The following TMPRSS2 variants were observed in gnomAD, a reference collection of about 807,000 sequenced individuals.
TMPRSS2 encodes transmembrane protease serine 2.
Under a neutral mutation model 67.4 loss-of-function variants are expected in TMPRSS2, and 59 were observed. The ratio of observed to expected loss-of-function variants is 0.88; its 90% CI spans 0.71 to 1.09. The LOEUF (loss-of-function observed/expected upper bound fraction) is 1.09, where lower values mean the gene tolerates loss of function less well. Ranked by LOEUF, TMPRSS2 falls within the 50% of genes least tolerant of loss-of-function variation. TMPRSS2 has a pLI of 0.00. For missense variants in TMPRSS2, 668 were observed against 642.7 expected, an observed-to-expected ratio of 1.04 and a Z score of -0.43; for synonymous variants, 257 against 257.0, an observed-to-expected ratio of 1.00 and a Z score of 0.00.
intron 1 of TMPRSS2, 87 bp from the exon 2 acceptor site, chr21:41,498,276 G>C (rs901237996): frequency 3.8e-5 from 34 of 893,528 alleles, no homozygotes; most frequent in Non-Finnish European, 5.9e-5. Flanking sequence ...AGAATCTCTA[G>C]ATGAAGGTTA....
At position 41,478,843 on chromosome 21, in the gene TMPRSS2, T is replaced by C. The variant is rs761811344; in HGVS notation, c.683+329A>G. ...ATCTTGGATTCCTAGAACCACGCCC[T>C]GACAAAATAGGTACACCTCTAAATG... On this transcript the variant is annotated intron_variant, in intron 7 of 13. Transcript: ENST00000332149. This position sits in a 1 kb window ranked among gnomAD's most constrained non-coding sequence, Gnocchi z 4.0. Among the ~76,000 whole-genome samples, 8 of 152,188 alleles carry C rather than the reference T, an allele frequency of 5.3e-5. No individual in the cohort carries two copies. The highest frequency in any genetic ancestry group is 1.0e-4 in the Non-Finnish European group (7 of 68,022).
rs1172280060 is a variant in TMPRSS2 at position 41,494,393 on chromosome 21, C to T, written c.201G>A (p.Thr67=). The T allele has an allele frequency of 3.7e-6, 6 of 1,610,090 alleles. No homozygotes were observed. The highest frequency in any genetic ancestry group is 2.2e-5 in the South Asian group (2 of 90,396). The change falls in exon 3 of 14, where the codon ACG becomes ACA. Residue 67 remains threonine, a synonymous_variant. Transcript: ENST00000332149. ...CTGTCCCGGATGGGGATTTGGGCTG[C>T]GTGCAGACGACGGGGTTGGAAGCCT... is the stretch of plus-strand genomic sequence containing the variant. ...LTQASNPVVC[T]QPKSPSGTVC...
chr21:41,467,737 C>T lies in TMPRSS2; in HGVS notation c.1464G>A (p.Met488Ile), dbSNP rs1435489845. The T allele has an allele frequency of 2.5e-6, 4 of 1,614,092 alleles. No individual in the cohort carries two copies. The East Asian group carries it at 8.9e-5, about 36-fold the overall frequency. ...AGAAGGAGGACAGGATAGTTACCCT[C>T]ATTTGTCGATAAATCCAGTCCGTGA... ...MVFTDWIYRQ[M>I]RADG The change falls in exon 13 of 14, where the codon ATG (methionine) becomes ATA (isoleucine). Residue 488 changes from methionine (M) to isoleucine (I), a missense_variant. By Grantham distance (10) the Met-to-Ile change is conservative. Transcript: ENST00000332149.
At chr21:41,477,832 G>A (rs534317621) in intron 7 of TMPRSS2, among the ~76,000 whole-genome samples, 1 of 152,122 alleles carries the variant, frequency 6.6e-6, no homozygotes, top group South Asian at 2.1e-4. Flanking sequence ...AAGAACTCAG[G>A]CATCAAAGGG....
chr21:41,488,434 G>T lies in TMPRSS2; in HGVS notation c.405C>A (p.Gly135=). ...TCINPSNWCD[G]VSHCPGGEDE... is the part of the protein sequence containing the mutation. ...CCTCCCCGCCGGGGCAGTGTGACAC[G>T]CCATCACACCAGTTAGAGGGGTTGA... The change falls in exon 5 of 14, where the codon GGC becomes GGA. Residue 135 remains glycine (G), a synonymous_variant. Transcript: ENST00000332149. 6.2e-7 allele frequency: 1 copy of T among 1,613,626 alleles called. No individual in the cohort carries two copies. Among genetic ancestry groups the T allele is most frequent in the African/African-American group, 1.3e-5 (1 of 75,038 alleles).
rs2091319628 is a variant in TMPRSS2, at chr21:41,489,368, AAG to A, written c.325+137_325+138del. 4 of 625,714 alleles carry A rather than the reference AAG, an allele frequency of 6.4e-6. No individual in the cohort carries two copies. In the East Asian group the frequency reaches 1.1e-4, roughly 17 times the overall value. The allele number at this position is 625,714 out of a possible 1,614,324, so 38.8% of individuals were successfully genotyped here. On this transcript the variant is annotated intron_variant, in intron 4 of 13. Coordinates refer to ENST00000332149, the MANE Select transcript of TMPRSS2 (RefSeq NM_005656.4). ...ATCTCATAGCTAAACAAGAGAAGGG[AAG>A]AGAGACAGCCTCGTTATGTAAGAGA...
intron 5 of TMPRSS2, among the ~76,000 whole-genome samples, chr21:41,482,403 G>A (rs956945494): frequency 2.0e-5 from 3 of 152,166 alleles, no homozygotes; most frequent in Non-Finnish European, 4.4e-5. Context: ...TGAAAACAGC[G>A]CTGTGGGAAA....
intron 9 of TMPRSS2, 109 bp downstream of exon 9, chr21:41,473,216 T>G: frequency 1.5e-6 from 2 of 1,298,762 alleles, no homozygotes; most frequent in Non-Finnish European, 2.1e-6. Context: ...ACTCTCCCCA[T>G]TTAAACACAA....
In TMPRSS2 at chr21:41,478,245, C is replaced by A. The variant is rs1030553162; in HGVS notation, c.683+927G>T. 2.6e-5 allele frequency among the ~76,000 whole-genome samples: 4 copies of A among 152,206 alleles called. No homozygotes were observed. The highest frequency in any genetic ancestry group is 4.8e-5 in the African/African-American group (2 of 41,444). On this transcript the variant is annotated intron_variant, in intron 7 of 13. Coordinates refer to ENST00000332149, the MANE Select transcript of TMPRSS2 (RefSeq NM_005656.4). The surrounding 1 kb of genome is among the most constrained non-coding windows in gnomAD (Gnocchi z 4.0). ...CTGCAGTGGAAGTCAGGCCCCCAGA[C>A]CCCTCCACCAGCGGCCTCCAGGAAT...
At position 41,488,433 on chromosome 21, in the gene TMPRSS2, C is replaced by T. The variant is rs760565628; in HGVS notation, c.406G>A (p.Val136Met). ...CINPSNWCDGVSHCPGGEDEN... is the reference protein window; with the variant it reads ...CINPSNWCDGMSHCPGGEDEN... ...TCCTCCCCGCCGGGGCAGTGTGACA[C>T]GCCATCACACCAGTTAGAGGGGTTG... The change falls in exon 5 of 14, where the codon GTG becomes ATG. Residue 136 changes from valine to methionine, a missense_variant. By Grantham distance (21) the Val-to-Met change is conservative. Transcript: ENST00000332149. The T allele has an allele frequency of 5.0e-6, 8 of 1,613,768 alleles. No individual in the cohort carries two copies. The highest frequency in any genetic ancestry group is 2.2e-5 in the East Asian group (1 of 44,882).
At position 41,480,522 on chromosome 21, in the gene TMPRSS2, A is replaced by G. The variant is rs2146451869; in HGVS notation, c.526T>C (p.Trp176Arg). 6.2e-7 allele frequency: 1 copy of G among 1,613,746 alleles called. No individual in the cohort carries two copies. The highest frequency in any genetic ancestry group is 8.5e-7 in the Non-Finnish European group (1 of 1,180,050). ...KSWHPVCQDD[W>R]NENYGRAACR... ...GCCGCCCGCCCGTAGTTCTCGTTCC[A>G]GTCGTCTTGGCACACAGGGTGCCAG... is the stretch of plus-strand genomic sequence containing the variant. The change falls in exon 6 of 14, where the codon TGG (tryptophan) becomes CGG (arginine). Residue 176 changes from tryptophan to arginine, a missense_variant. Coordinates refer to ENST00000332149, the MANE Select transcript of TMPRSS2 (RefSeq NM_005656.4).
rs369579311 is a variant in TMPRSS2 at position 41,470,663 on chromosome 21, C to T, written c.1156G>A (p.Ala386Thr). The change falls in exon 11 of 14, where the codon GCC becomes ACC. Residue 386 changes from alanine (A) to threonine (T), a missense_variant. By Grantham distance (58) the Ala-to-Thr change is moderately conservative. Transcript: ENST00000332149. Reference protein sequence around the residue: ...EQLCWISGWGATEEKGKTSEV... With the variant: ...EQLCWISGWGTTEEKGKTSEV... ...GCAGCCTCACCTTTCTCCTCGGTGG[C>T]CCCCCACCCGGAAATCCAGCAGAGC... 1.2e-5 allele frequency: 19 copies of T among 1,613,058 alleles called. No homozygotes were observed. In the African/African-American group the frequency reaches 1.9e-4, roughly 16 times the overall value.
chr21:41,500,464 C>T lies in TMPRSS2; in HGVS notation c.-56-2275G>A, dbSNP rs986686535. 1.6e-4 allele frequency among the ~76,000 whole-genome samples: 25 copies of T among 152,304 alleles called. 5 individuals are homozygous for T. The highest frequency in any genetic ancestry group is 6.5e-4 in the Admixed American group (10 of 15,300). On this transcript the variant is annotated intron_variant, in intron 1 of 13. Transcript: ENST00000332149. ...AGTGGGGCCGGCTTCAGTACACCAT[C>T]GCTTTCCTGTGTCCTAAGCAGAACT...
At chr21:41,492,784 C>T (rs1339174761) in intron 3 of TMPRSS2, among the ~76,000 whole-genome samples, 1 of 152,172 alleles carries the variant, frequency 6.6e-6, no homozygotes, top group Non-Finnish European at 1.5e-5. Flanking sequence ...ATCATGTGGG[C>T]CAGGGGTTCG....
In TMPRSS2 at chr21:41,465,162, A is replaced by T; in HGVS notation, c.*980T>A. ...ACTTGGCAAAGATGATACAGTTTCA[A>T]AGAGTTAAATGAAGGTGGACTACTT... is the stretch of plus-strand genomic sequence containing the variant. On this transcript the variant is annotated 3_prime_UTR_variant, in exon 14 of 14. Coordinates refer to ENST00000332149, the MANE Select transcript of TMPRSS2 (RefSeq NM_005656.4). The T allele has an allele frequency of 4.3e-6, 1 of 233,778 alleles. No homozygotes were observed. Among genetic ancestry groups the T allele is most frequent in the Non-Finnish European group, 8.5e-6 (1 of 118,052 alleles). 14.5% of individuals were successfully genotyped at this position (233,778 alleles called of 1,614,324 possible).
chr21:41,470,842 A>T, intron 10 of TMPRSS2, 99 bp from the exon 11 acceptor site: 2 of 936,468 alleles, frequency 2.1e-6, no homozygotes, highest in Admixed American at 4.3e-5. Context: ...CACCCTGGCC[A>T]CCCTGCCCAG....
chr21:41,494,251 A>G, intron 3 of TMPRSS2, 105 bp downstream of exon 3: 1 of 1,209,098 alleles, frequency 8.3e-7, no homozygotes, highest in Non-Finnish European at 1.2e-6. Flanking sequence ...GAAGGGTCAG[A>G]CCAGGAGAGG....
chr21:41,498,054 T>C (rs2091397454), intron 2 of TMPRSS2, 65 bp downstream of exon 2: 4 of 1,275,986 alleles, frequency 3.1e-6, no homozygotes, highest in South Asian at 2.5e-5. Flanking sequence ...CCAAACAATG[T>C]TGGGAATAAC....
chr21:41,496,337 T>C (rs1186773531), intron 2 of TMPRSS2, among the ~76,000 whole-genome samples: 1 of 152,258 alleles, frequency 6.6e-6, no homozygotes, highest in African/African-American at 2.4e-5. Context: ...GAATGTATCG[T>C]CATTCACTCA....
Sources: gnomAD v4.1 joint callset for allele counts (sites outside exome capture counted in the v4.1 genomes callset) on GRCh38, gnomAD v4.1.1 for gene constraint, Gnocchi (gnomAD v3.1) non-coding constraint, MANE v1.5 for transcripts, NCBI Gene and HGNC (gene_info 2026-07-23, HGNC 2026-07-21) for gene names.